Variants in LIMS1 observed in about 807,000 individuals in gnomAD.
LIMS1 encodes the protein LIM and senescent cell antigen-like-containing domain protein 1.
Under a neutral mutation model 44.1 loss-of-function variants are expected in LIMS1, and 18 were observed. The ratio of observed to expected loss-of-function variants is 0.41; its 90% CI spans 0.28 to 0.61. LIMS1 has a LOEUF of 0.61. LIMS1 is among the 20% of genes least tolerant of loss of function. The pLI is 0.32. For missense variants in LIMS1, 201 were observed against 422.0 expected, an observed-to-expected ratio of 0.48 and a Z score of 4.59; for synonymous variants, 93 against 149.1, an observed-to-expected ratio of 0.62 and a Z score of 2.74.
At chr2:108,683,413 T>A (rs1365228907) in intron 9 of LIMS1, among the ~76,000 whole-genome samples, 2 of 152,042 alleles carry the variant, frequency 1.3e-5, no homozygotes, top group Non-Finnish European at 1.5e-5. Flanking sequence ...CATAGTAGTA[T>A]GCACTTGTGT....
At chr2:108,574,506 C>T (rs932314223) in intron 1 of LIMS1, among the ~76,000 whole-genome samples, 1 of 152,156 alleles carries the variant, frequency 6.6e-6, no homozygotes, top group African/African-American at 2.4e-5. Flanking sequence ...GGTCATGGCT[C>T]CCAAACCTCC....
chr2:108,681,125 A>G, intron 9 of LIMS1: 8 of 1,275,460 alleles, frequency 6.3e-6, no homozygotes, highest in Non-Finnish European at 7.9e-6. Flanking sequence ...AAACTTTTCT[A>G]TCCCTGTGTC....
rs114493543 is a variant in LIMS1, at chr2:108,679,552, G to A, written c.824-1143G>A. 2.9e-3 allele frequency among the ~76,000 whole-genome samples: 442 copies of A among 152,198 alleles called. 2 individuals carry two copies. Among genetic ancestry groups the A allele is most frequent in the Non-Finnish European group, 4.5e-3 (305 of 68,012 alleles). ...TGCATTTTATATCAGGGACTTGAGC[G>A]TCTGAGATTTTGGTATCCTCACAGC... is the stretch of plus-strand genomic sequence containing the variant. On this transcript the variant is annotated intron_variant, in intron 8 of 9. Transcript: ENST00000544547.
chr2:108,657,434 C>A (rs1457072634), intron 1 of LIMS1, among the ~76,000 whole-genome samples: 1 of 152,304 alleles, frequency 6.6e-6, no homozygotes, highest in East Asian at 1.9e-4. Flanking sequence ...ATACTTTTTC[C>A]TCAGAACAAT....
chr2:108,561,433 T>G (rs561300871), intron 1 of LIMS1, among the ~76,000 whole-genome samples: 2 of 152,270 alleles, frequency 1.3e-5, no homozygotes, highest in South Asian at 2.1e-4. Flanking sequence ...TGTGGTAAAT[T>G]AATAATAATT....
chr2:108,581,541 A>G lies in LIMS1; in HGVS notation c.32+46947A>G, dbSNP rs116845169. On this transcript the variant is annotated intron_variant, in intron 1 of 9. Transcript: ENST00000544547. ...GTATTGTTCCTCAGATTTTTCTTTT[A>G]TAGTAACTTTCCCAAACTCAGAAAG... Among the ~76,000 whole-genome samples, 33 of 152,226 alleles carry G rather than the reference A, an allele frequency of 2.2e-4. No individual in the cohort carries two copies. The East Asian group carries it at 5.4e-3, about 25-fold the overall frequency.
intron 1 of LIMS1, among the ~76,000 whole-genome samples, chr2:108,652,853 CATCT>C (rs1302567596): frequency 1.3e-5 from 2 of 152,148 alleles, no homozygotes; most frequent in Non-Finnish European, 2.9e-5. Context: ...TGTCCCCATC[CATCT>C]GTCTGTCTGT....
At chr2:108,543,375 C>G (rs934343065) in intron 1 of LIMS1, among the ~76,000 whole-genome samples, 1 of 152,204 alleles carries the variant, frequency 6.6e-6, no homozygotes, top group Non-Finnish European at 1.5e-5. Context: ...TACTGACTGA[C>G]TGGTTAAGTG....
intron 1 of LIMS1, among the ~76,000 whole-genome samples, chr2:108,604,029 G>A (rs1264704266): frequency 6.6e-6 from 1 of 151,906 alleles, no homozygotes; most frequent in Non-Finnish European, 1.5e-5. Flanking sequence ...AGTATGTTAT[G>A]TTTCCATTAT....
exon 1 of LIMS1, chr2:108,534,540 C>A: frequency 8.3e-7 from 1 of 1,206,956 alleles, no homozygotes. Flanking sequence ...GGCTGAGAGA[C>A]GGCGGCGGCC....
At chr2:108,617,257 G>A (rs1687977585) in intron 1 of LIMS1, among the ~76,000 whole-genome samples, 1 of 152,184 alleles carries the variant, frequency 6.6e-6, no homozygotes, top group African/African-American at 2.4e-5. Context: ...TATATCTGAA[G>A]GGGTTAATTG....
intron 1 of LIMS1, among the ~76,000 whole-genome samples, chr2:108,551,386 T>C (rs1366724643): frequency 6.8e-6 from 1 of 146,552 alleles, no homozygotes; most frequent in Non-Finnish European, 1.5e-5. Flanking sequence ...TATAACTGTA[T>C]ATTTTATATT....
intron 1 of LIMS1, among the ~76,000 whole-genome samples, chr2:108,580,353 GT>G (rs1685839250): frequency 6.6e-6 from 1 of 152,198 alleles, no homozygotes; most frequent in Non-Finnish European, 1.5e-5. Flanking sequence ...ACCAGTCATT[GT>G]GGCCAGAGGA....
intron 1 of LIMS1, among the ~76,000 whole-genome samples, chr2:108,562,733 A>G (rs1421209102): frequency 1.3e-5 from 2 of 152,272 alleles, no homozygotes; most frequent in Non-Finnish European, 2.9e-5. Flanking sequence ...CAAGTTATCC[A>G]GAAGATCTAG....
exon 10 of LIMS1, chr2:108,686,134 G>C (rs1356471845): frequency 6.6e-6 from 1 of 151,958 alleles, no homozygotes; most frequent in African/African-American, 2.4e-5. Context: ...AGACCATCCT[G>C]GCTACCACTG....
At chr2:108,572,951 C>T (rs1447889014) in intron 1 of LIMS1, among the ~76,000 whole-genome samples, 3 of 152,078 alleles carry the variant, frequency 2.0e-5, no homozygotes, top group African/African-American at 2.4e-5. Context: ...GTTGCTGTTC[C>T]GCAGCTTCCT....
At chr2:108,676,215 G>A (rs1302048744) in intron 6 of LIMS1, among the ~76,000 whole-genome samples, 187 bp downstream of exon 6, 2 of 152,192 alleles carry the variant, frequency 1.3e-5, no homozygotes, top group African/African-American at 4.8e-5. Flanking sequence ...AATTGACTTT[G>A]CTGACAGCTA....
chr2:108,563,113 G>T (rs1262683225), intron 1 of LIMS1, among the ~76,000 whole-genome samples: 1 of 152,128 alleles, frequency 6.6e-6, no homozygotes, highest in East Asian at 1.9e-4. Context: ...TCAGAAAAAA[G>T]GATTCCTTTT....
intron 1 of LIMS1, among the ~76,000 whole-genome samples, chr2:108,634,718 G>A (rs116508351): frequency 0.012 from 1,828 of 152,310 alleles, 44 homozygotes; most frequent in African/African-American, 0.043. Context: ...TTGTGGGAGT[G>A]ATGTGACAGG....
Sources: allele counts gnomAD v4.1 joint callset (sites outside exome capture counted in the v4.1 genomes callset), GRCh38; gene constraint gnomAD v4.1.1; transcripts MANE v1.5; gene names NCBI Gene and HGNC (gene_info 2026-07-23, HGNC 2026-07-21).